DSCAML1: variants seen among roughly 807,000 people sequenced by gnomAD.
DSCAML1 encodes cell adhesion molecule DSCAML1.
DSCAML1 carries 38 observed loss-of-function variants against 200.5 expected under a neutral mutation model. The observed-to-expected ratio is 0.19, with a 90% confidence interval of 0.15 to 0.25. DSCAML1 has a LOEUF of 0.25. DSCAML1 is among the 10% of genes least tolerant of loss of function. The pLI, the probability that DSCAML1 is intolerant of heterozygous loss-of-function variation, is 1.00. For synonymous variants in DSCAML1, 1,215 were observed against 1,165.0 expected (o/e 1.04, Z -0.87); for missense variants, 2,223 against 2,858.8 (o/e 0.78, Z 5.07).
At chr11:117,430,632 G>C in intron 32 of DSCAML1, 90 bp downstream of exon 32, 1 of 1,434,028 alleles carries the variant, frequency 7.0e-7, no homozygotes, top group Non-Finnish European at 9.3e-7. Flanking sequence ...GCATGATCCT[G>C]GTGCTGGCAG....
rs772503033 is a variant in DSCAML1, at chr11:117,516,716, G to A, written c.1534C>T (p.Arg512Trp). The A allele has an allele frequency of 8.7e-6, 14 of 1,613,466 alleles. No homozygotes were observed. Among genetic ancestry groups the A allele is most frequent in the South Asian group, 7.7e-5 (7 of 91,016 alleles). Residue 512 changes from arginine (R) to tryptophan (W), a missense_variant, in exon 8 of 33, where the codon CGG (arginine) becomes TGG (tryptophan). Arg to Trp is a moderately radical substitution (Grantham distance 101). Coordinates refer to ENST00000651296, the MANE Select transcript of DSCAML1 (RefSeq NM_020693.4). The surrounding 1 kb of genome is among the most constrained non-coding windows in gnomAD (Gnocchi z 5.7). Reference protein sequence around the residue: ...VRGPPSIRAMRNITAVAGRDT... With the variant: ...VRGPPSIRAMWNITAVAGRDT... The stretch of plus-strand genomic sequence containing the variant: ...CGCCCGGCGACTGCTGTGATGTTCC[G>A]CATAGCCCGGATGCTGGGTGGGCCT...
intron 3 of DSCAML1, among the ~76,000 whole-genome samples, chr11:117,765,919 C>A (rs963944804): frequency 2.0e-5 from 3 of 152,166 alleles, no homozygotes; most frequent in African/African-American, 7.2e-5. Context: ...AAGCAAGCCC[C>A]ACTTCTTCAG....
intron 3 of DSCAML1, among the ~76,000 whole-genome samples, chr11:117,538,800 G>A (rs1440295177): frequency 1.6e-5 from 2 of 128,920 alleles, no homozygotes; most frequent in Non-Finnish European, 3.3e-5. Flanking sequence ...GGGAGAAGGT[G>A]ATAGACAGGG....
rs148703302 is a variant in DSCAML1 at position 117,590,387 on chromosome 11, T to C, written c.512-57865A>G. 7.7e-3 allele frequency among the ~76,000 whole-genome samples: 1,162 copies of C among 150,258 alleles called. 12 individuals carry two copies. The highest frequency in any genetic ancestry group is 0.027 in the African/African-American group (1,094 of 40,864). ...TAACTTAAAAAAAAAAAAAAAAACT[T>C]GTCCATGCACCACCTAGAATTGCCT... On this transcript the variant is annotated intron_variant, in intron 3 of 32. Coordinates refer to ENST00000651296, the MANE Select transcript of DSCAML1 (RefSeq NM_020693.4).
chr11:117,572,952 C>A (rs2050871378), intron 3 of DSCAML1, among the ~76,000 whole-genome samples: 1 of 152,168 alleles, frequency 6.6e-6, no homozygotes, highest in African/African-American at 2.4e-5. Context: ...GCCCCATCAA[C>A]CTTAATGTTC....
At chr11:117,451,688 G>A (rs1411355925) in intron 19 of DSCAML1, among the ~76,000 whole-genome samples, 1 of 152,034 alleles carries the variant, frequency 6.6e-6, no homozygotes, top group Non-Finnish European at 1.5e-5. Context: ...GGTGGTGTGT[G>A]CTTGTTTTCC....
Position 117,505,386 on chromosome 11 carries a change from T to C in DSCAML1, c.2062+68A>G. ...GAGCCCGTGATTGGAACTGGAAATC[T>C]AGAGACTGCAGTAGCAGCAGGCAGA... On this transcript the variant is annotated intron_variant, in intron 9 of 32. Coordinates refer to ENST00000651296, the MANE Select transcript of DSCAML1 (RefSeq NM_020693.4). The surrounding 1 kb of genome is among the most constrained non-coding windows in gnomAD (Gnocchi z 6.7). The C allele has an allele frequency of 1.3e-6, 2 of 1,564,542 alleles. No homozygotes were observed. The highest frequency in any genetic ancestry group is 8.6e-7 in the Non-Finnish European group (1 of 1,158,000).
intron 11 of DSCAML1, among the ~76,000 whole-genome samples, chr11:117,492,104 C>T (rs916873972): frequency 1.3e-5 from 2 of 152,202 alleles, no homozygotes; most frequent in East Asian, 1.9e-4. Flanking sequence ...TGGGCCTGGC[C>T]GCCTGCATTC....
intron 3 of DSCAML1, among the ~76,000 whole-genome samples, chr11:117,683,216 G>A (rs1255416255): frequency 1.3e-5 from 2 of 152,244 alleles, no homozygotes; most frequent in African/African-American, 2.4e-5. Context: ...GTGATGGGAT[G>A]AGGGATGAGG....
intron 2 of DSCAML1, among the ~76,000 whole-genome samples, chr11:117,778,118 T>C (rs1157529295): frequency 2.0e-5 from 3 of 152,254 alleles, no homozygotes; most frequent in Non-Finnish European, 4.4e-5. Flanking sequence ...CCAGTCAGCC[T>C]GGCTCTTCCC....
rs1288164677 is a variant in DSCAML1, at chr11:117,796,652, C to T, written c.46+382G>A. Among the ~76,000 whole-genome samples, 3 of 152,316 alleles carry T rather than the reference C, an allele frequency of 2.0e-5. No homozygotes were observed. In the East Asian group the frequency reaches 5.8e-4, roughly 29 times the overall value. On this transcript the variant is annotated intron_variant, in intron 1 of 32. Transcript: ENST00000651296. The stretch of plus-strand genomic sequence containing the variant: ...GCAAGGACTCCTAGGTCAAGAGTCA[C>T]GGCCTGAGGACCCCTCGACTCGGAG...
chr11:117,504,890 C>G lies in DSCAML1; in HGVS notation c.2182+34G>C. 6.3e-7 allele frequency: 1 copy of G among 1,581,798 alleles called. No individual in the cohort carries two copies. The highest frequency in any genetic ancestry group is 8.6e-7 in the Non-Finnish European group (1 of 1,159,624). On this transcript the variant is annotated intron_variant, in intron 10 of 32. Transcript: ENST00000651296. This position sits in a 1 kb window ranked among gnomAD's most constrained non-coding sequence, Gnocchi z 5.0. ...GCATCCTCCGTTCCCCGTCCCTGCC[C>G]TTCTTGGAGATTCTGGCTGGGCCAG...
At chr11:117,722,407 A>G (rs1263728869) in intron 3 of DSCAML1, among the ~76,000 whole-genome samples, 1 of 152,078 alleles carries the variant, frequency 6.6e-6, no homozygotes, top group Non-Finnish European at 1.5e-5. Flanking sequence ...GGAGAGGTTG[A>G]TTAACAGATC....
At chr11:117,639,562 G>A (rs919997131) in intron 3 of DSCAML1, among the ~76,000 whole-genome samples, 4 of 152,152 alleles carry the variant, frequency 2.6e-5, no homozygotes, top group Non-Finnish European at 4.4e-5. Flanking sequence ...CTAATCTTGG[G>A]GCTGGGTGGA....
intron 3 of DSCAML1, among the ~76,000 whole-genome samples, chr11:117,666,618 G>A (rs1383044949): frequency 6.6e-6 from 1 of 152,192 alleles, no homozygotes; most frequent in Admixed American, 6.5e-5. Context: ...CAGTTCTGCA[G>A]AACAGCCTCA....
Position 117,810,250 on chromosome 11 carries a change from G to A in DSCAML1, c.-250+7140C>T, listed in dbSNP as rs951141315. Among the ~76,000 whole-genome samples, 8 of 150,884 alleles carry A rather than the reference G, an allele frequency of 5.3e-5. 1 individual carries two copies. The highest frequency in any genetic ancestry group is 1.5e-4 in the African/African-American group (6 of 40,308). On this transcript the variant is annotated intron_variant, in intron 1 of 2. Transcript: ENST00000525836. ...CCAAACTCCGTGGACCCAAAACTCCGTGGACTCAAAACTCCAGCGCCCTCT... is the reference window on the plus strand; with the variant it reads ...CCAAACTCCGTGGACCCAAAACTCCATGGACTCAAAACTCCAGCGCCCTCT...
chr11:117,797,204 C>T lies in DSCAML1; in HGVS notation c.-125G>A, dbSNP rs1348036418. The T allele has an allele frequency of 6.6e-7, 1 of 1,520,728 alleles. No individual in the cohort carries two copies. Among genetic ancestry groups the T allele is most frequent in the African/African-American group, 1.4e-5 (1 of 69,514 alleles). 94.2% of individuals were successfully genotyped at this position (1,520,728 alleles called of 1,614,324 possible). A position where few individuals can be genotyped will look rare whatever the true frequency, so the allele number is the denominator to read the frequency against. On this transcript the variant is annotated 5_prime_UTR_variant, in exon 1 of 33. Transcript: ENST00000651296. ...CGCCCCGCTCTCTCTGCTCCTCAGC[C>T]CAGCGCTCGGCTGCGGCGGCGGCTC...
intron 16 of DSCAML1, among the ~76,000 whole-genome samples, chr11:117,466,054 A>G (rs1251145303): frequency 6.6e-6 from 1 of 152,214 alleles, no homozygotes; most frequent in Non-Finnish European, 1.5e-5. Context: ...AAAAAGCTAA[A>G]CATAGAATAA....
rs1274132148 is a variant in DSCAML1, at chr11:117,469,831, C to G, written c.3024+79G>C. The G allele has an allele frequency of 7.4e-7, 1 of 1,344,844 alleles. No individual in the cohort carries two copies. The highest frequency in any genetic ancestry group is 1.4e-5 in the African/African-American group (1 of 69,076). The allele number at this position is 1,344,844 out of a possible 1,614,324, so 83.3% of individuals were successfully genotyped here. A position where few individuals can be genotyped will look rare whatever the true frequency, so the allele number is the denominator to read the frequency against. On this transcript the variant is annotated intron_variant, in intron 16 of 32. Coordinates refer to ENST00000651296, the MANE Select transcript of DSCAML1 (RefSeq NM_020693.4). The surrounding 1 kb of genome is among the most constrained non-coding windows in gnomAD (Gnocchi z 4.1). ...CATATAAGACTAGAGACTAGCAAGCCTGCTGGGAGCTTTCGTCCTGGATTG... is the reference window on the plus strand; with the variant it reads ...CATATAAGACTAGAGACTAGCAAGCGTGCTGGGAGCTTTCGTCCTGGATTG...
Sources: gnomAD v4.1 joint callset for allele counts (sites outside exome capture counted in the v4.1 genomes callset) on GRCh38, gnomAD v4.1.1 for gene constraint, Gnocchi (gnomAD v3.1) non-coding constraint, MANE v1.5 for transcripts, NCBI Gene and HGNC (gene_info 2026-07-23, HGNC 2026-07-21) for gene names.